Variants in TOP2A observed in about 807,000 individuals in gnomAD.
The protein encoded by TOP2A is DNA topoisomerase 2-alpha.
A neutral mutation model predicts 187.2 loss-of-function variants in TOP2A; 68 were observed. The ratio of observed to expected loss-of-function variants is 0.36; its 90% confidence interval spans 0.30 to 0.44. TOP2A has a LOEUF of 0.44. TOP2A is among the 20% of genes least tolerant of loss of function. The pLI, the probability that TOP2A is intolerant of heterozygous loss-of-function variation, is 1.00. For missense variants in TOP2A, 1,196 were observed against 1,808.7 expected (o/e 0.66, Z 6.14); for synonymous variants, 542 against 593.2 (o/e 0.91, Z 1.25).
At position 40,406,460 on chromosome 17, in the gene TOP2A, T is replaced by C; in HGVS notation, c.1877A>G (p.Glu626Gly). ...ATGTCTTTTCATATCTGCAAAGTAT[T>C]CTTTAGCTTCCTTTGATGTGCTGGT... ...LGTSTSKEAK[E>G]YFADMKRHRI... Residue 626 changes from glutamate to glycine, a missense_variant, in exon 16 of 35, where the codon GAA becomes GGA. This residue lies in a region of TOP2A where 209 missense variants were observed against 376.9 expected (regional missense o/e 0.55). Coordinates refer to ENST00000423485, the MANE Select transcript of TOP2A (RefSeq NM_001067.4). 1 of 1,613,810 alleles carries C rather than the reference T, an allele frequency of 6.2e-7. No individual in the cohort carries two copies. The highest frequency in any genetic ancestry group is 1.1e-5 in the South Asian group (1 of 91,072).
At chr17:40,413,096 G>C (rs1293663485) in intron 6 of TOP2A, 99 bp downstream of exon 6, 1 of 1,286,398 alleles carries the variant, frequency 7.8e-7, no homozygotes, top group Non-Finnish European at 1.1e-6. Flanking sequence ...TACTTCAATA[G>C]CTTATAAATT....
rs2035391432 is a variant in TOP2A, at chr17:40,416,426, A to G, written c.264T>C (p.Ile88=). 4 of 1,574,710 alleles carry G rather than the reference A, an allele frequency of 2.5e-6. No individual in the cohort carries two copies. Among genetic ancestry groups the G allele is most frequent in the Non-Finnish European group, 3.5e-6 (4 of 1,153,232 alleles). The change falls in exon 3 of 35, where the codon ATT becomes ATC. Residue 88 remains isoleucine (I), a synonymous_variant. Coordinates refer to ENST00000423485, the MANE Select transcript of TOP2A (RefSeq NM_001067.4). ...TATATTAAAGGATTTACTCACCTAG[A>G]ATCTCATCAAAGATTTTGTACAAAC... ...VPGLYKIFDE[I]LVNAADNKQR...
Position 40,406,462 on chromosome 17 carries a change from T to C in TOP2A, c.1875A>G (p.Lys625=), listed in dbSNP as rs1425721080. The C allele has an allele frequency of 1.9e-6, 3 of 1,613,854 alleles. No individual in the cohort carries two copies. The highest frequency in any genetic ancestry group is 1.3e-5 in the African/African-American group (1 of 75,058). ...GTCTTTTCATATCTGCAAAGTATTCTTTAGCTTCCTTTGATGTGCTGGTGC... is the reference window on the plus strand; with the variant it reads ...GTCTTTTCATATCTGCAAAGTATTCCTTAGCTTCCTTTGATGTGCTGGTGC... ...GLGTSTSKEA[K]EYFADMKRHR... is the part of the protein sequence containing the mutation. The change falls in exon 16 of 35, where the codon AAA becomes AAG. Residue 625 remains lysine, a synonymous_variant. Coordinates refer to ENST00000423485, the MANE Select transcript of TOP2A (RefSeq NM_001067.4).
At chr17:40,412,249 T>G (rs2035330367) in intron 7 of TOP2A, among the ~76,000 whole-genome samples, 1 of 152,200 alleles carries the variant, frequency 6.6e-6, no homozygotes, top group Non-Finnish European at 1.5e-5. Context: ...TTTTAGGTGT[T>G]TCTTTGAGAA....
chr17:40,391,520 T>C lies in TOP2A; in HGVS notation c.4253A>G (p.Lys1418Arg). 6.2e-7 allele frequency: 1 copy of C among 1,611,826 alleles called. No homozygotes were observed. Among genetic ancestry groups the C allele is most frequent in the South Asian group, 1.1e-5 (1 of 90,312 alleles). ...PVPKKNVTVKKTAAKSQSSTS... is the reference protein window; with the variant it reads ...PVPKKNVTVKRTAAKSQSSTS... ...TTTAGGCTTACTTTTTGCTGCTGTC[T>C]TCTTCACTGTCACATTCTTTTTAGG... The change falls in exon 33 of 35, where the codon AAG (lysine) becomes AGG (arginine). Residue 1418 changes from lysine (K) to arginine (R), a missense_variant. Coordinates refer to ENST00000423485, the MANE Select transcript of TOP2A (RefSeq NM_001067.4).
At chr17:40,407,413 C>T (rs2035263182) in intron 13 of TOP2A, 136 bp downstream of exon 13, 1 of 679,924 alleles carries the variant, frequency 1.5e-6, no homozygotes, top group Non-Finnish European at 2.3e-6. Flanking sequence ...ATAAGCATAT[C>T]TGATTAGATG....
chr17:40,394,699 T>C (rs1410737491), intron 29 of TOP2A, among the ~76,000 whole-genome samples: 3 of 152,198 alleles, frequency 2.0e-5, no homozygotes, highest in African/African-American at 7.2e-5. Context: ...TCAAAAAAAG[T>C]AGACAGTAAA....
intron 10 of TOP2A, chr17:40,409,476 T>C: frequency 4.5e-6 from 2 of 448,858 alleles, no homozygotes; most frequent in South Asian, 3.2e-5. Flanking sequence ...AAGACAGACA[T>C]AGCTGGGTGC....
At chr17:40,401,383 C>T (rs939729700) in intron 20 of TOP2A, among the ~76,000 whole-genome samples, 23 of 151,968 alleles carry the variant, frequency 1.5e-4, no homozygotes, top group Non-Finnish European at 2.6e-4. Context: ...AAAGTTAAGC[C>T]GTTTCTGATA....
chr17:40,396,136 T>G (rs958150420), intron 28 of TOP2A, 147 bp downstream of exon 28: 9 of 507,310 alleles, frequency 1.8e-5, no homozygotes, highest in Non-Finnish European at 3.1e-5. Context: ...CCTGCCACCA[T>G]GCCCGCCTAA....
rs1326947409 is a variant in TOP2A at position 40,388,673 on chromosome 17, T to C, written c.*846A>G. 1 of 186,950 alleles carries C rather than the reference T, an allele frequency of 5.3e-6. No individual in the cohort carries two copies. The highest frequency in any genetic ancestry group is 2.3e-5 in the African/African-American group (1 of 42,758). The allele number at this position is 186,950 out of a possible 1,614,324, so 11.6% of individuals were successfully genotyped here. ...GACAGGTCTTAACAAAGTTTACAAA[T>C]TGAAATTATGGAGATTTCCCAAAAT... is the stretch of plus-strand genomic sequence containing the variant. On this transcript the variant is annotated 3_prime_UTR_variant, in exon 35 of 35. Coordinates refer to ENST00000423485, the MANE Select transcript of TOP2A (RefSeq NM_001067.4).
Position 40,392,696 on chromosome 17 carries a change from T to A in TOP2A, c.3853A>T (p.Ile1285Phe), listed in dbSNP as rs754745530. ...KKQTTLAFKP[I>F]KKGKKRNPWS... ...GGATTTCTCTTCTTTCCTTTTTTGA[T>A]TGGCTTAAATGCCAATGTAGTTTGT... The change falls in exon 30 of 35, where the codon ATC becomes TTC. Residue 1285 changes from isoleucine (I) to phenylalanine (F), a missense_variant. Coordinates refer to ENST00000423485, the MANE Select transcript of TOP2A (RefSeq NM_001067.4). 6.2e-7 allele frequency: 1 copy of A among 1,612,932 alleles called. No individual in the cohort carries two copies. The highest frequency in any genetic ancestry group is 8.5e-7 in the Non-Finnish European group (1 of 1,179,820).
At position 40,411,619 on chromosome 17, in the gene TOP2A, G is replaced by T; in HGVS notation, c.963+26C>A. On this transcript the variant is annotated intron_variant, in intron 8 of 34. Coordinates refer to ENST00000423485, the MANE Select transcript of TOP2A (RefSeq NM_001067.4). The surrounding 1 kb of genome is among the most constrained non-coding windows in gnomAD (Gnocchi z 4.4). ...ACACATATATGTAAAGATAAATCAT[G>T]ATTAATAATTTAAGAATAAAATTAC... 1 of 1,592,688 alleles carries T rather than the reference G, an allele frequency of 6.3e-7. No individual in the cohort carries two copies. Among genetic ancestry groups the T allele is most frequent in the African/African-American group, 1.4e-5 (1 of 73,828 alleles).
chr17:40,393,957 G>C lies in TOP2A; in HGVS notation c.3812-1220C>G, dbSNP rs570861008. 3.3e-5 allele frequency among the ~76,000 whole-genome samples: 5 copies of C among 151,746 alleles called. No homozygotes were observed. The East Asian group carries it at 7.8e-4, about 24-fold the overall frequency. On this transcript the variant is annotated intron_variant, in intron 29 of 34. Coordinates refer to ENST00000423485, the MANE Select transcript of TOP2A (RefSeq NM_001067.4). ...TGTAATCCCAGCTCCTCGGGAGGCT[G>C]AGGCAGGAGAATTGCCTGAACCTAG... is the stretch of plus-strand genomic sequence containing the variant.
At chr17:40,409,309 C>A in intron 10 of TOP2A, 1 of 337,516 alleles carries the variant, frequency 3.0e-6, no homozygotes, top group Middle Eastern at 1.1e-3. Context: ...CTGGGAGGCG[C>A]GGGTTGCAGT....
Position 40,416,039 on chromosome 17 carries a change from G to A in TOP2A, c.298C>T (p.Pro100Ser), listed in dbSNP as rs1225618145. 1 of 1,590,038 alleles carries A rather than the reference G, an allele frequency of 6.3e-7. No homozygotes were observed. Residue 100 changes from proline to serine, a missense_variant, in exon 4 of 35, where the codon CCA becomes TCA. Pro to Ser is a moderately conservative substitution (Grantham distance 74). Around this residue, in one of 10 missense-constraint regions of TOP2A, gnomAD observed 97 missense variants for 171.0 expected, o/e 0.57. Transcript: ENST00000423485. Reference protein sequence around the residue: ...VNAADNKQRDPKMSCIRVTID... With the variant: ...VNAADNKQRDSKMSCIRVTID... ...GTGACTCTAATACAAGACATTTTTG[G>A]GTCCCTTTGTTTGTTGTCCGCAGCA...
At chr17:40,417,224 A>G (rs555165392) in intron 1 of TOP2A, among the ~76,000 whole-genome samples, 6 of 152,296 alleles carry the variant, frequency 3.9e-5, no homozygotes, top group Admixed American at 6.5e-5. Context: ...GCCTATTATT[A>G]TAAATTATTT....
At chr17:40,406,311 A>G in intron 16 of TOP2A, 73 bp downstream of exon 16, 12 of 1,101,930 alleles carry the variant, frequency 1.1e-5, no homozygotes, top group Non-Finnish European at 1.5e-5. Flanking sequence ...TTATACAAAA[A>G]TGTAAATGTT....
chr17:40,402,739 G>A lies in TOP2A; in HGVS notation c.2432+167C>T, dbSNP rs185042093. On this transcript the variant is annotated intron_variant, in intron 20 of 34. Coordinates refer to ENST00000423485, the MANE Select transcript of TOP2A (RefSeq NM_001067.4). ...CTTAGCATAATTGACATGTTGCACT[G>A]GATAATTGTTATGGGGGGGCTTTCC... Among the ~76,000 whole-genome samples the A allele has an allele frequency of 1.1e-3, 160 of 152,286 alleles. 1 individual carries two copies. Among genetic ancestry groups the A allele is most frequent in the African/African-American group, 3.8e-3 (156 of 41,566 alleles).
Sources: gnomAD v4.1 joint callset for allele counts (sites outside exome capture counted in the v4.1 genomes callset) on GRCh38, gnomAD v4.1.1 for gene constraint, gnomAD v4.1.1 regional missense constraint, Gnocchi (gnomAD v3.1) non-coding constraint, MANE v1.5 for transcripts, NCBI Gene and HGNC (gene_info 2026-07-23, HGNC 2026-07-21) for gene names.